Variants in SEMA4G observed in about 807,000 individuals in gnomAD.
The protein encoded by SEMA4G is semaphorin 4G.
Under a neutral mutation model 81.2 loss-of-function variants are expected in SEMA4G, and 59 were observed. The ratio of observed to expected loss-of-function variants is 0.73; its 90% CI spans 0.59 to 0.90. SEMA4G has a LOEUF of 0.90. Among genes scored for constraint, SEMA4G ranks in the 40% least tolerant of loss-of-function variants. The probability of loss-of-function intolerance (pLI) is 0.00; values close to 1 mark genes in which losing one functional copy is unlikely to be tolerated. For missense variants in SEMA4G, 952 were observed against 1,102.3 expected (o/e 0.86, Z 1.93); for synonymous variants, 404 against 433.9 (o/e 0.93, Z 0.86).
intron 3 of SEMA4G, 43 bp from the exon 5 acceptor site, chr10:100,977,589 A>G (rs1850855852): frequency 6.6e-7 from 1 of 1,504,622 alleles, no homozygotes; most frequent in South Asian, 1.1e-5. Flanking sequence ...GGAGGCTTCT[A>G]GTCAGGCAGG....
chr10:100,980,092 G>A (rs779373894), intron 9 of SEMA4G, 30 bp from the exon 11 acceptor site: 12 of 1,613,030 alleles, frequency 7.4e-6, no homozygotes, highest in East Asian at 6.7e-5. Context: ...GTGGAGTCCC[G>A]AGGTTCACCA....
exon 14 of SEMA4G, chr10:100,983,787 G>A (rs1282725183): frequency 1.2e-6 from 2 of 1,607,394 alleles, no homozygotes; most frequent in Non-Finnish European, 1.7e-6. Flanking sequence ...AGGATCTGCG[G>A]TGCAACTGCA....
chr10:100,984,313 C>G, exon 14 of SEMA4G: 1 of 1,440,248 alleles, frequency 6.9e-7, no homozygotes, highest in Non-Finnish European at 9.1e-7. Flanking sequence ...TCAGTCTCCA[C>G]AGACCCACAT....
At chr10:100,981,796 G>A (rs111375222) in intron 13 of SEMA4G, among the ~76,000 whole-genome samples, 2,965 of 152,242 alleles carry the variant, frequency 0.019, 94 homozygotes, top group African/African-American at 0.064. Flanking sequence ...AGTGGCTCAC[G>A]CCTGTAATCC....
At chr10:100,979,534 C>T (rs925743857) in intron 8 of SEMA4G, among the ~76,000 whole-genome samples, 1 of 152,046 alleles carries the variant, frequency 6.6e-6, no homozygotes, top group Non-Finnish European at 1.5e-5. Flanking sequence ...AGGCGTGTGC[C>T]ACCACGCCTG....
chr10:100,975,554 C>G (rs547940678), intron 3 of SEMA4G, among the ~76,000 whole-genome samples: 1 of 152,276 alleles, frequency 6.6e-6, no homozygotes, highest in East Asian at 1.9e-4. Context: ...CTCCCTACCC[C>G]CCTTTAAAAA....
chr10:100,983,071 G>A lies in SEMA4G; in HGVS notation c.1691-234G>A, dbSNP rs182548067. ...CAGATGGCAGAAATTGAAACCACAG[G>A]AGAGGATGAGAGCATGGAGAGAGAA... is the stretch of plus-strand genomic sequence containing the variant. On this transcript the variant is annotated intron_variant, in intron 13 of 13. Transcript: ENST00000370250. 1.8e-4 allele frequency among the ~76,000 whole-genome samples: 28 copies of A among 152,338 alleles called. No individual in the cohort carries two copies. In the East Asian group the frequency reaches 4.8e-3, roughly 26 times the overall value.
At chr10:100,980,728 C>A in intron 11 of SEMA4G, 35 bp downstream of exon 12, 1 of 1,607,936 alleles carries the variant, frequency 6.2e-7, no homozygotes. Flanking sequence ...TATAGCCTTG[C>A]TGAAATAGGA....
chr10:100,983,522 A>C, exon 14 of SEMA4G: 1 of 1,614,156 alleles, frequency 6.2e-7, no homozygotes, highest in Non-Finnish European at 8.5e-7. Flanking sequence ...ATGCCGAGGA[A>C]AATGGCCTCC....
upstream of SEMA4G, among the ~76,000 whole-genome samples, chr10:100,970,644 G>T (rs1850603012): frequency 6.6e-6 from 1 of 152,130 alleles, no homozygotes. Flanking sequence ...CAGAGGCAGG[G>T]TTCTGCTCTG....
chr10:100,979,763 A>T (rs1850967946), intron 8 of SEMA4G, 85 bp from the exon 10 acceptor site: 1 of 1,525,566 alleles, frequency 6.6e-7, no homozygotes, highest in African/African-American at 1.4e-5. Context: ...TGGCCAGGGT[A>T]ACAGTGAGCT....
chr10:100,979,311 A>G (rs1850940985), intron 8 of SEMA4G, 40 bp downstream of exon 9: 1 of 1,614,140 alleles, frequency 6.2e-7, no homozygotes, highest in Non-Finnish European at 8.5e-7. Context: ...AACTGCGGAC[A>G]GCATAGGGGC....
Position 100,973,072 on chromosome 10 carries a change from G to A in SEMA4G, c.124+36G>A. ...CAACCTCAAAAGGCAGCAGAAGCCA[G>A]GGCTGGGGGTGGGGAGGCACCCCAG... is the stretch of plus-strand genomic sequence containing the variant. On this transcript the variant is annotated intron_variant, in intron 1 of 13. Coordinates refer to ENST00000370250, the Ensembl canonical transcript of SEMA4G. The surrounding 1 kb of genome is among the most constrained non-coding windows in gnomAD (Gnocchi z 5.5). 1.2e-6 allele frequency: 2 copies of A among 1,614,186 alleles called. No individual in the cohort carries two copies. The highest frequency in any genetic ancestry group is 1.7e-6 in the Non-Finnish European group (2 of 1,180,036).
upstream of SEMA4G, among the ~76,000 whole-genome samples, chr10:100,970,559 A>G (rs2133852508): frequency 6.6e-6 from 1 of 151,190 alleles, no homozygotes; most frequent in East Asian, 1.9e-4. Flanking sequence ...ACACACACAC[A>G]CACACAACCC....
At position 100,978,477 on chromosome 10, in the gene SEMA4G, G is replaced by A. The variant is rs752390993; in HGVS notation, c.530-50G>A. The A allele has an allele frequency of 1.0e-5, 16 of 1,591,384 alleles. No homozygotes were observed. In the Admixed American group the frequency reaches 2.5e-4, roughly 25 times the overall value. The stretch of plus-strand genomic sequence containing the variant: ...ACCTGCCACCATGTATATGTCATGT[G>A]CCCTGTTGAATATGACATGTCTCTC... On this transcript the variant is annotated intron_variant, in intron 5 of 13. Transcript: ENST00000370250.
At chr10:100,980,784 G>GGGGACGCTGCC (rs1851030159) in intron 11 of SEMA4G, 38 bp from the exon 13 acceptor site, 3 of 1,570,364 alleles carry the variant, frequency 1.9e-6, no homozygotes, top group Non-Finnish European at 2.6e-6. Flanking sequence ...CTGTATGAGT[G>GGGGACGCTGCC]GGGACGCTGC....
At chr10:100,975,224 G>C in intron 3 of SEMA4G, 2 of 340,708 alleles carry the variant, frequency 5.9e-6, no homozygotes, top group Admixed American at 8.1e-5. Flanking sequence ...TATCACCCAG[G>C]TATATTATAA....
At chr10:100,983,486 T>C (rs1851232858) in exon 14 of SEMA4G, 1 of 1,614,192 alleles carries the variant, frequency 6.2e-7, no homozygotes, top group Non-Finnish European at 8.5e-7. Context: ...ATGCACAGCC[T>C]GAGCACAGTG....
chr10:100,984,846 C>T (rs1016127185), downstream of SEMA4G: 12 of 1,504,402 alleles, frequency 8.0e-6, no homozygotes, highest in South Asian at 6.3e-5. Context: ...CTGTGTGGCC[C>T]TTGTGAATCA....
Sources: gnomAD v4.1 joint callset for allele counts (sites outside exome capture counted in the v4.1 genomes callset) on GRCh38, gnomAD v4.1.1 for gene constraint, Gnocchi (gnomAD v3.1) non-coding constraint, MANE v1.5 for transcripts, NCBI Gene and HGNC (gene_info 2026-07-23, HGNC 2026-07-21) for gene names.